PSMA6: variants seen among roughly 807,000 people sequenced by gnomAD.
The protein encoded by PSMA6 is proteasome 20S subunit alpha 6, also known as proteasome subunit alpha type-6.
For synonymous variants in PSMA6, 88 were observed against 97.7 expected (o/e 0.90, Z 0.59); for missense variants, 170 against 294.8 (o/e 0.58, Z 3.10).
At chr14:35,307,033 A>G (rs2051841718) in intron 1 of PSMA6, among the ~76,000 whole-genome samples, 1 of 152,118 alleles carries the variant, frequency 6.6e-6, no homozygotes, top group African/African-American at 2.4e-5. Flanking sequence ...CTGTAATCCC[A>G]GCTACTCAGG....
upstream of PSMA6, among the ~76,000 whole-genome samples, chr14:35,289,410 A>C (rs1594374767): frequency 6.6e-6 from 1 of 151,714 alleles, no homozygotes; most frequent in African/African-American, 2.4e-5. Context: ...GCTCACTGCA[A>C]CCCCCACCTC....
chr14:35,306,532 T>G (rs1365741564), intron 1 of PSMA6, among the ~76,000 whole-genome samples: 1 of 151,732 alleles, frequency 6.6e-6, no homozygotes, highest in Non-Finnish European at 1.5e-5. Context: ...GGTGAAACCC[T>G]GTCTTTACTG....
At chr14:35,307,674 C>G (rs1050745987) in intron 1 of PSMA6, among the ~76,000 whole-genome samples, 1 of 152,034 alleles carries the variant, frequency 6.6e-6, no homozygotes, top group African/African-American at 2.4e-5. Context: ...GCAGAGGTTG[C>G]AGTGAGCTCA....
At chr14:35,285,884 G>A (rs1357308578) in intron 1 of PSMA6, among the ~76,000 whole-genome samples, 3 of 152,250 alleles carry the variant, frequency 2.0e-5, no homozygotes, top group Admixed American at 6.5e-5. Context: ...AGAATTAGCT[G>A]CTTTCCAAAT....
upstream of PSMA6, chr14:35,292,179 G>A (rs1442248957): frequency 3.4e-6 from 2 of 580,266 alleles, no homozygotes; most frequent in Non-Finnish European, 5.0e-6. Flanking sequence ...TCATTCTCCA[G>A]ATGAAAGCCT....
chr14:35,289,654 A>G (rs1320021526), upstream of PSMA6, among the ~76,000 whole-genome samples: 1 of 152,126 alleles, frequency 6.6e-6, no homozygotes, highest in African/African-American at 2.4e-5. Flanking sequence ...TATGAATTAT[A>G]TAACAGAAAG....
At chr14:35,303,241 G>A (rs1156765271) in intron 1 of PSMA6, among the ~76,000 whole-genome samples, 3 of 152,120 alleles carry the variant, frequency 2.0e-5, no homozygotes, top group Non-Finnish European at 2.9e-5. Flanking sequence ...CTCTTGGGTG[G>A]CATCTTAAAT....
intron 4 of PSMA6, among the ~76,000 whole-genome samples, chr14:35,311,469 AATG>A (rs1311639137): frequency 6.6e-6 from 1 of 152,190 alleles, no homozygotes; most frequent in Non-Finnish European, 1.5e-5. Flanking sequence ...CAGTCAGTGT[AATG>A]ATTTCTGTTT....
intron 1 of PSMA6, among the ~76,000 whole-genome samples, chr14:35,293,755 C>T (rs1457184225): frequency 6.6e-6 from 1 of 152,198 alleles, no homozygotes; most frequent in Admixed American, 6.5e-5. Flanking sequence ...AAAGAATTTT[C>T]ATTTATTGTA....
chr14:35,279,690 G>A (rs541700774), intron 1 of PSMA6, among the ~76,000 whole-genome samples: 2 of 152,342 alleles, frequency 1.3e-5, no homozygotes, highest in Non-Finnish European at 2.9e-5. Flanking sequence ...AACGTCTAAG[G>A]AACAATTGCT....
At chr14:35,294,282 C>T (rs561028642) in intron 1 of PSMA6, among the ~76,000 whole-genome samples, 4 of 152,260 alleles carry the variant, frequency 2.6e-5, no homozygotes, top group South Asian at 4.1e-4. Context: ...CCACCCACCT[C>T]GGCCTCCCAA....
chr14:35,312,391 C>T (rs1457866228), intron 4 of PSMA6, among the ~76,000 whole-genome samples: 1 of 151,190 alleles, frequency 6.6e-6, no homozygotes, highest in African/African-American at 2.4e-5. Context: ...CCTGTAGTCC[C>T]AGCTACTCGG....
At chr14:35,287,005 T>C (rs1300218876) in intron 1 of PSMA6, among the ~76,000 whole-genome samples, 1 of 152,180 alleles carries the variant, frequency 6.6e-6, no homozygotes, top group African/African-American at 2.4e-5. Flanking sequence ...GGTGCTCCAT[T>C]TGTCCGTTTC....
At chr14:35,289,418 C>G (rs565780025), upstream of PSMA6, among the ~76,000 whole-genome samples, 1 of 152,202 alleles carries the variant, frequency 6.6e-6, no homozygotes, top group South Asian at 2.1e-4. Context: ...CAACCCCCAC[C>G]TCCCAGGCTC....
chr14:35,295,034 G>A (rs552170365), intron 1 of PSMA6, among the ~76,000 whole-genome samples: 3 of 152,212 alleles, frequency 2.0e-5, no homozygotes, highest in African/African-American at 7.2e-5. Flanking sequence ...AATAGAGGTA[G>A]ACATTTAAAG....
chr14:35,297,784 T>G (rs1354595249), intron 1 of PSMA6, among the ~76,000 whole-genome samples: 1 of 152,188 alleles, frequency 6.6e-6, no homozygotes, highest in Non-Finnish European at 1.5e-5. Context: ...GTGTGAGCCA[T>G]TGTCTTGCAT....
intron 1 of PSMA6, among the ~76,000 whole-genome samples, chr14:35,297,862 C>G (rs1458305001): frequency 6.6e-6 from 1 of 152,028 alleles, no homozygotes; most frequent in African/African-American, 2.4e-5. Context: ...TTCTAGTATA[C>G]AAATGAATCC....
chr14:35,283,376 AAAGAG>A (rs1408536902), intron 1 of PSMA6, among the ~76,000 whole-genome samples: 1 of 151,598 alleles, frequency 6.6e-6, no homozygotes, highest in Non-Finnish European at 1.5e-5. Flanking sequence ...AAAAAAAAAA[AAAGAG>A]AGAGAAAGAG....
At chr14:35,304,264 C>T (rs931645969) in intron 1 of PSMA6, among the ~76,000 whole-genome samples, 3 of 152,078 alleles carry the variant, frequency 2.0e-5, no homozygotes, top group South Asian at 2.1e-4. Flanking sequence ...TCAGCCACCA[C>T]GCCTGGCCAA....
Sources: gnomAD v4.1 joint callset for allele counts (sites outside exome capture counted in the v4.1 genomes callset) on GRCh38, gnomAD v4.1.1 for gene constraint, MANE v1.5 for transcripts, NCBI Gene and HGNC (gene_info 2026-07-23, HGNC 2026-07-21) for gene names.